The following GRIA4 variants were observed in gnomAD, a reference collection of about 807,000 sequenced individuals.
GRIA4 encodes glutamate receptor 4.
In GRIA4, 34 loss-of-function variants were observed where a neutral mutation model predicts 104.0. The observed-to-expected ratio is 0.33, with a 90% CI of 0.25 to 0.44. GRIA4 has a LOEUF of 0.44. GRIA4 is among the 20% of genes least tolerant of loss of function. The pLI, the probability that GRIA4 is intolerant of heterozygous loss-of-function variation, is 1.00. For missense variants in GRIA4, 750 were observed against 1,096.5 expected (o/e 0.68, Z 4.46); for synonymous variants, 386 against 381.9 (o/e 1.01, Z -0.13).
At chr11:105,854,641 AG>A (rs1199266309) in intron 4 of GRIA4, among the ~76,000 whole-genome samples, 1 of 152,184 alleles carries the variant, frequency 6.6e-6, no homozygotes, top group African/African-American at 2.4e-5. Flanking sequence ...CAGTGTCGGT[AG>A]GAAGAAATGG....
At chr11:105,645,152 A>G (rs1951489562) in intron 3 of GRIA4, among the ~76,000 whole-genome samples, 1 of 152,228 alleles carries the variant, frequency 6.6e-6, no homozygotes, top group African/African-American at 2.4e-5. Context: ...TGAGCCAGAA[A>G]AGAGATGGGT....
At chr11:105,955,398 T>C (rs372802289) in intron 14 of GRIA4, among the ~76,000 whole-genome samples, 76 of 152,332 alleles carry the variant, frequency 5.0e-4, no homozygotes, top group African/African-American at 1.7e-3. Context: ...CCTGTGTTAG[T>C]TTGATCAGGA....
At chr11:105,654,464 CT>C (rs1204403800) in intron 3 of GRIA4, among the ~76,000 whole-genome samples, 3 of 151,596 alleles carry the variant, frequency 2.0e-5, no homozygotes, top group Admixed American at 6.6e-5. Flanking sequence ...AAGAACAATA[CT>C]TTTTTATCTA....
At chr11:105,648,495 T>G (rs1179514178) in intron 3 of GRIA4, among the ~76,000 whole-genome samples, 1 of 151,480 alleles carries the variant, frequency 6.6e-6, no homozygotes, top group African/African-American at 2.4e-5. Context: ...ACACAACCAA[T>G]TTGAATGCCT....
chr11:105,952,559 T>C lies in GRIA4; in HGVS notation c.2294+18590T>C, dbSNP rs538363958. Among the ~76,000 whole-genome samples the C allele has an allele frequency of 2.0e-5, 3 of 152,292 alleles. No homozygotes were observed. The South Asian group carries it at 6.2e-4, about 32-fold the overall frequency. ...CACAAAGCTCCTTCAAGGAATAACA[T>C]TCCTCAGATCCATGTCTCAACTAGA... is the stretch of plus-strand genomic sequence containing the variant. On this transcript the variant is annotated intron_variant, in intron 14 of 16. Coordinates refer to ENST00000282499, the MANE Select transcript of GRIA4 (RefSeq NM_000829.4).
At chr11:105,816,496 T>C (rs144401235) in intron 4 of GRIA4, among the ~76,000 whole-genome samples, 1 of 152,294 alleles carries the variant, frequency 6.6e-6, no homozygotes, top group East Asian at 1.9e-4. Flanking sequence ...AACTCCTGTT[T>C]CACCTTCTGC....
At chr11:105,841,374 C>T (rs1367095861) in intron 4 of GRIA4, among the ~76,000 whole-genome samples, 3 of 151,950 alleles carry the variant, frequency 2.0e-5, no homozygotes, top group Non-Finnish European at 2.9e-5. Context: ...TTTGTGTGAC[C>T]TTGTGGGCAG....
chr11:105,732,299 TG>T (rs1230264920), intron 3 of GRIA4, among the ~76,000 whole-genome samples: 1 of 152,116 alleles, frequency 6.6e-6, no homozygotes, highest in African/African-American at 2.4e-5. Context: ...GGGATGTGGG[TG>T]GCCCAAACAT....
At chr11:105,828,476 C>A (rs576485860) in intron 4 of GRIA4, among the ~76,000 whole-genome samples, 1 of 151,892 alleles carries the variant, frequency 6.6e-6, no homozygotes, top group Non-Finnish European at 1.5e-5. Flanking sequence ...GCAGCACTGG[C>A]GGTTCCTACC....
chr11:105,894,470 C>A (rs1286638123), intron 6 of GRIA4, among the ~76,000 whole-genome samples: 4 of 152,150 alleles, frequency 2.6e-5, no homozygotes, highest in Admixed American at 6.5e-5. Flanking sequence ...ACGCTTAGCA[C>A]AATGCCTGGC....
In GRIA4 at chr11:105,974,312, C is replaced by T; in HGVS notation, c.2412C>T (p.Asp804=). The T allele has an allele frequency of 6.2e-7, 1 of 1,613,646 alleles. No homozygotes were observed. The highest frequency in any genetic ancestry group is 8.5e-7 in the Non-Finnish European group (1 of 1,179,636). ...ECGPKDSGSK[D]KTSALSLSNV... is the part of the protein sequence containing the mutation. ...TGAAGTGTCTTTATCCCCCCTAGGACAAGACGAGTGCCTTGAGCCTGAGCA... is the reference window on the plus strand; with the variant it reads ...TGAAGTGTCTTTATCCCCCCTAGGATAAGACGAGTGCCTTGAGCCTGAGCA... The change falls in exon 16 of 17, where the codon GAC becomes GAT. Residue 804 remains aspartate, a splice_region_variant and synonymous_variant. Coordinates refer to ENST00000282499, the MANE Select transcript of GRIA4 (RefSeq NM_000829.4).
At chr11:105,970,270 C>T (rs1157477876) in intron 14 of GRIA4, among the ~76,000 whole-genome samples, 1 of 151,790 alleles carries the variant, frequency 6.6e-6, no homozygotes, top group Non-Finnish European at 1.5e-5. Flanking sequence ...TATCCTGAAA[C>T]CATATAAACA....
chr11:105,805,670 C>G (rs974480923), intron 4 of GRIA4, among the ~76,000 whole-genome samples: 2 of 151,884 alleles, frequency 1.3e-5, no homozygotes, highest in African/African-American at 4.8e-5. Context: ...CTGCACTTCC[C>G]TCTGGCTCTG....
intron 4 of GRIA4, among the ~76,000 whole-genome samples, chr11:105,778,224 C>T (rs1941540561): frequency 6.6e-6 from 1 of 152,160 alleles, no homozygotes; most frequent in Admixed American, 6.6e-5. Flanking sequence ...GTAGTTTTCA[C>T]CTATGCTTTT....
chr11:105,624,967 CA>C (rs1950848320), intron 3 of GRIA4, among the ~76,000 whole-genome samples: 1 of 151,932 alleles, frequency 6.6e-6, no homozygotes, highest in Admixed American at 6.6e-5. Flanking sequence ...TTAGACTATG[CA>C]CATTATTTTT....
intron 3 of GRIA4, among the ~76,000 whole-genome samples, chr11:105,724,437 T>G (rs1163296481): frequency 6.6e-6 from 1 of 151,084 alleles, no homozygotes; most frequent in Non-Finnish European, 1.5e-5. Flanking sequence ...ATTGGAATAC[T>G]ATTCAGCCAT....
intron 14 of GRIA4, among the ~76,000 whole-genome samples, chr11:105,970,767 GTC>G (rs1355410852): frequency 1.3e-5 from 2 of 152,158 alleles, no homozygotes; most frequent in Non-Finnish European, 2.9e-5. Flanking sequence ...AATATGAAAA[GTC>G]TGTCTTGGGA....
chr11:105,697,802 TC>T (rs1212671813), intron 3 of GRIA4, among the ~76,000 whole-genome samples: 1 of 152,124 alleles, frequency 6.6e-6, no homozygotes, highest in Non-Finnish European at 1.5e-5. Context: ...CTTAGATGAG[TC>T]ATGAGAGTCC....
intron 3 of GRIA4, among the ~76,000 whole-genome samples, chr11:105,617,502 T>A (rs747401058): frequency 6.6e-6 from 1 of 151,824 alleles, no homozygotes; most frequent in African/African-American, 2.4e-5. Context: ...AAAGATAACA[T>A]CTATATTGAG....
Sources: gnomAD v4.1 joint callset for allele counts (sites outside exome capture counted in the v4.1 genomes callset) on GRCh38, gnomAD v4.1.1 for gene constraint, MANE v1.5 for transcripts, NCBI Gene and HGNC (gene_info 2026-07-23, HGNC 2026-07-21) for gene names.